Variants in C2CD5 observed in about 807,000 individuals in gnomAD.
The protein encoded by C2CD5 is C2 domain-containing protein 5.
C2CD5 carries 109 observed loss-of-function variants against 130.3 expected under a neutral mutation model. That is an observed-to-expected ratio of 0.84 (90% CI 0.72 to 0.98). C2CD5 has a LOEUF of 0.98. Among genes scored for constraint, C2CD5 ranks in the 50% least tolerant of loss-of-function variants. The pLI, the probability that C2CD5 is intolerant of heterozygous loss-of-function variation, is 0.00. For missense variants in C2CD5, 996 were observed against 1,261.8 expected, an observed-to-expected ratio of 0.79 and a Z score of 3.19; for synonymous variants, 454 against 429.2, an observed-to-expected ratio of 1.06 and a Z score of -0.71.
chr12:22,530,086 A>ATATG (rs1407151742), intron 3 of C2CD5, among the ~76,000 whole-genome samples: 24 of 103,770 alleles, frequency 2.3e-4, no homozygotes, highest in Non-Finnish European at 4.2e-4. Flanking sequence ...CTATATATAT[A>ATATG]TATATATATA....
intron 14 of C2CD5, among the ~76,000 whole-genome samples, chr12:22,482,313 T>A (rs1229915250): frequency 6.6e-6 from 1 of 152,212 alleles, no homozygotes; most frequent in Non-Finnish European, 1.5e-5. Flanking sequence ...TGTGGCCAAC[T>A]TATTAAGCAA....
intron 21 of C2CD5, 152 bp from the exon 22 acceptor site, chr12:22,469,947 G>A (rs1444451817): frequency 7.5e-6 from 4 of 532,962 alleles, no homozygotes; most frequent in Non-Finnish European, 9.8e-6. Context: ...TTCTCCCATG[G>A]AAACCATTCA....
chr12:22,472,344 A>G lies in C2CD5; in HGVS notation c.2111T>C (p.Phe704Ser). Residue 704 changes from phenylalanine to serine, a missense_variant, in exon 18 of 27, where the codon TTT becomes TCT. By Grantham distance (155) the Phe-to-Ser change is radical. This residue lies in a region of C2CD5 where 590 missense variants were observed against 631.4 expected (regional missense o/e 0.93). Transcript: ENST00000446597. Reference sequence around the variant, plus strand: ...CATAATTTCTGTATTACAACTATAAAAGCCTGTCAAAATAAATTGTAATCA... The same window carrying G: ...CATAATTTCTGTATTACAACTATAAGAGCCTGTCAAAATAAATTGTAATCA... ...LLTDVPPPSG[F>S]YSCNTEIMPG... 7.1e-7 allele frequency: 1 copy of G among 1,398,626 alleles called. No individual in the cohort carries two copies. The highest frequency in any genetic ancestry group is 9.9e-7 in the Non-Finnish European group (1 of 1,008,282). 86.6% of individuals were successfully genotyped at this position (1,398,626 alleles called of 1,614,324 possible). A position where few individuals can be genotyped will look rare whatever the true frequency, so the allele number is the denominator to read the frequency against.
rs1454691670 is a variant in C2CD5, at chr12:22,474,236, A to C, written c.2043+515T>G. Among the ~76,000 whole-genome samples, 4 of 152,136 alleles carry C rather than the reference A, an allele frequency of 2.6e-5. No homozygotes were observed. The East Asian group carries it at 7.7e-4, about 29-fold the overall frequency. ...TGCAGAGGAAGCAGATCTGTGAGGA[A>C]GGAGTCTCCATAAACTTTTCATGTG... On this transcript the variant is annotated intron_variant, in intron 16 of 26. Coordinates refer to ENST00000446597, the MANE Select transcript of C2CD5 (RefSeq NM_001286176.2).
At chr12:22,530,209 T>C (rs1951138677) in intron 3 of C2CD5, among the ~76,000 whole-genome samples, 1 of 147,022 alleles carries the variant, frequency 6.8e-6, no homozygotes, top group Non-Finnish European at 1.5e-5. Flanking sequence ...ATATACAGTA[T>C]ATATATAACT....
At chr12:22,509,640 A>G (rs1425102346) in intron 9 of C2CD5, among the ~76,000 whole-genome samples, 2 of 152,232 alleles carry the variant, frequency 1.3e-5, no homozygotes, top group African/African-American at 4.8e-5. Context: ...TCTATAGCAG[A>G]TTGTTAAGTA....
At position 22,458,577 on chromosome 12, in the gene C2CD5, C is replaced by G; in HGVS notation, c.2593G>C (p.Val865Leu). Reference protein sequence around the residue: ...GIPAAQRATSVDYSSFADRCS... With the variant: ...GIPAAQRATSLDYSSFADRCS... The stretch of plus-strand genomic sequence containing the variant: ...CTGTCTGCAAAGGAACTGTAATCAA[C>G]TGACGTTGCTGAAAACACAGACAGA... Residue 865 changes from valine to leucine, a missense_variant, in exon 24 of 27, where the codon GTT (valine) becomes CTT (leucine). This residue lies in a region of C2CD5 where 590 missense variants were observed against 631.4 expected (regional missense o/e 0.93). Transcript: ENST00000446597. 7.9e-7 allele frequency: 1 copy of G among 1,266,988 alleles called. No individual in the cohort carries two copies. The highest frequency in any genetic ancestry group is 1.0e-6 in the Non-Finnish European group (1 of 1,003,202). 78.5% of individuals were successfully genotyped at this position (1,266,988 alleles called of 1,614,324 possible).
intron 17 of C2CD5, 113 bp downstream of exon 17, chr12:22,472,631 T>C: frequency 1.3e-6 from 1 of 767,338 alleles, no homozygotes; most frequent in Non-Finnish European, 2.4e-6. Context: ...CATGACAAGC[T>C]GTGACACTGT....
In C2CD5 at chr12:22,459,562, A is replaced by C; in HGVS notation, c.2534-20T>G. 2.0e-6 allele frequency: 3 copies of C among 1,486,370 alleles called. No homozygotes were observed. Among genetic ancestry groups the C allele is most frequent in the Non-Finnish European group, 2.7e-6 (3 of 1,101,820 alleles). 92.1% of individuals were successfully genotyped at this position (1,486,370 alleles called of 1,614,324 possible). A position where few individuals can be genotyped will look rare whatever the true frequency, so the allele number is the denominator to read the frequency against. ...GGTGTTCTAATAAGACAATATGAAC[A>C]ACATTAGCTCAGATGCTAAGTACAA... On this transcript the variant is annotated intron_variant, in intron 22 of 26. Transcript: ENST00000446597.
intron 16 of C2CD5, among the ~76,000 whole-genome samples, chr12:22,473,098 AT>A (rs1285464556): frequency 1.3e-5 from 2 of 152,190 alleles, no homozygotes; most frequent in Admixed American, 6.5e-5. Context: ...AGCAATCATT[AT>A]TCTAATTTGT....
At chr12:22,503,170 A>T (rs1948026014) in intron 10 of C2CD5, among the ~76,000 whole-genome samples, 1 of 152,188 alleles carries the variant, frequency 6.6e-6, no homozygotes, top group Non-Finnish European at 1.5e-5. Context: ...TTTCCCTTCT[A>T]TAGTGAGAAT....
At position 22,527,898 on chromosome 12, in the gene C2CD5, A is replaced by G. The variant is rs772986044; in HGVS notation, c.178-6T>C. On this transcript the variant is annotated splice_polypyrimidine_tract_variant and splice_region_variant and intron_variant, in intron 3 of 26. Transcript: ENST00000446597. ...TGTAAGTCTTCATCATCCACCTACA[A>G]GTATACCTTAAAATTAAAACTCATA... 2.5e-6 allele frequency: 4 copies of G among 1,581,242 alleles called. No individual in the cohort carries two copies. The highest frequency in any genetic ancestry group is 3.4e-6 in the Non-Finnish European group (4 of 1,161,222).
chr12:22,478,708 T>C (rs1356309183), intron 14 of C2CD5, among the ~76,000 whole-genome samples: 3 of 151,986 alleles, frequency 2.0e-5, no homozygotes, highest in Non-Finnish European at 4.4e-5. Flanking sequence ...TAGCCAGGTG[T>C]AGTGGTGTGT....
intron 15 of C2CD5, chr12:22,478,042 C>T (rs1258565973): frequency 5.0e-6 from 2 of 397,872 alleles, no homozygotes; most frequent in African/African-American, 2.1e-5. Flanking sequence ...CACACACACA[C>T]ACTCACAAAG....
At chr12:22,458,743 A>C (rs966790792) in intron 23 of C2CD5, 158 bp from the exon 24 acceptor site, 7 of 369,884 alleles carry the variant, frequency 1.9e-5, no homozygotes, top group Non-Finnish European at 3.4e-5. Context: ...GTAAAGAGTC[A>C]AGCTTTAGAC....
intron 22 of C2CD5, among the ~76,000 whole-genome samples, chr12:22,468,058 T>C (rs1942386216): frequency 6.7e-6 from 1 of 149,560 alleles, no homozygotes; most frequent in African/African-American, 2.5e-5. Context: ...CTTTGTCGAT[T>C]AGGTTTTAGG....
intron 16 of C2CD5, among the ~76,000 whole-genome samples, chr12:22,474,470 T>C (rs1943541025): frequency 6.6e-6 from 1 of 152,162 alleles, no homozygotes; most frequent in African/African-American, 2.4e-5. Context: ...CATTCAAGTT[T>C]ACAAAAATAA....
chr12:22,449,938 C>A lies in C2CD5; in HGVS notation c.3025-47G>T, dbSNP rs557177039. 7.9e-6 allele frequency: 12 copies of A among 1,516,018 alleles called. No individual in the cohort carries two copies. The South Asian group carries it at 1.5e-4, about 19-fold the overall frequency. The allele number at this position is 1,516,018 out of a possible 1,614,324, so 93.9% of individuals were successfully genotyped here. On this transcript the variant is annotated intron_variant, in intron 26 of 26. Coordinates refer to ENST00000446597, the MANE Select transcript of C2CD5 (RefSeq NM_001286176.2). ...CAGGTTCAGTTATACTCAACACATTCATACTCTTCTGTTACATAAGGGGCA... is the reference window on the plus strand; with the variant it reads ...CAGGTTCAGTTATACTCAACACATTAATACTCTTCTGTTACATAAGGGGCA...
intron 16 of C2CD5, 43 bp downstream of exon 16, chr12:22,474,708 T>G (rs775861279): frequency 2.8e-5 from 42 of 1,477,742 alleles, no homozygotes; most frequent in Non-Finnish European, 3.8e-5. Context: ...ATGTGTATCT[T>G]AGCTTCCAAA....
Sources: gnomAD v4.1 joint callset for allele counts (sites outside exome capture counted in the v4.1 genomes callset) on GRCh38, gnomAD v4.1.1 for gene constraint, gnomAD v4.1.1 regional missense constraint, MANE v1.5 for transcripts, NCBI Gene and HGNC (gene_info 2026-07-23, HGNC 2026-07-21) for gene names.